Variants in CLOCK observed in about 807,000 individuals in gnomAD.
The protein encoded by CLOCK is circadian locomoter output cycles protein kaput.
In CLOCK, 43 loss-of-function variants were observed where a neutral mutation model predicts 118.4. The observed-to-expected ratio is 0.36, with a 90% CI of 0.28 to 0.47. The LOEUF is 0.47. CLOCK is among the 20% of genes least tolerant of loss of function. The probability of loss-of-function intolerance (pLI) is 1.00; values close to 1 mark genes in which losing one functional copy is unlikely to be tolerated. For synonymous variants in CLOCK, 326 were observed against 339.2 expected, an observed-to-expected ratio of 0.96 and a Z score of 0.43; for missense variants, 846 against 999.9, an observed-to-expected ratio of 0.85 and a Z score of 2.08.
intron 1 of CLOCK, among the ~76,000 whole-genome samples, chr4:55,537,132 G>T (rs1300618754): frequency 6.6e-6 from 1 of 152,048 alleles, no homozygotes; most frequent in African/African-American, 2.4e-5. Context: ...GACCCAGTAA[G>T]ACATCAGGAA....
intron 22 of CLOCK, 117 bp downstream of exon 22, chr4:55,438,165 C>T (rs574509947): frequency 1.5e-5 from 19 of 1,300,582 alleles, no homozygotes; most frequent in Middle Eastern, 2.4e-4. Flanking sequence ...GAGATTTAAA[C>T]TGTACAATAA....
intron 3 of CLOCK, among the ~76,000 whole-genome samples, chr4:55,485,542 G>C (rs1007455837): frequency 2.0e-5 from 3 of 152,114 alleles, no homozygotes; most frequent in African/African-American, 7.2e-5. Flanking sequence ...TGTCCATGCT[G>C]TGGAGTCTAA....
intron 22 of CLOCK, among the ~76,000 whole-genome samples, chr4:55,437,590 T>C (rs1290252920): frequency 6.6e-6 from 1 of 152,346 alleles, no homozygotes; most frequent in East Asian, 1.9e-4. Flanking sequence ...AAATAACAGC[T>C]AGCCATGTGC....
At chr4:55,499,514 T>C (rs1452083844) in intron 2 of CLOCK, among the ~76,000 whole-genome samples, 1 of 152,208 alleles carries the variant, frequency 6.6e-6, no homozygotes, top group Non-Finnish European at 1.5e-5. Context: ...CCTAGATCCC[T>C]TGCACTCGCA....
intron 1 of CLOCK, among the ~76,000 whole-genome samples, chr4:55,521,034 C>T (rs1473193017): frequency 6.6e-6 from 1 of 152,182 alleles, no homozygotes; most frequent in East Asian, 1.9e-4. Flanking sequence ...TTTTGTCACA[C>T]CTCCAAGTCT....
chr4:55,448,918 G>T, intron 17 of CLOCK, 50 bp from the exon 18 acceptor site: 2 of 1,336,450 alleles, frequency 1.5e-6, no homozygotes, highest in South Asian at 2.4e-5. Flanking sequence ...TCCCATACAT[G>T]AGTACTTCCA....
chr4:55,451,804 A>T (rs540484425), intron 15 of CLOCK, among the ~76,000 whole-genome samples: 1 of 152,320 alleles, frequency 6.6e-6, no homozygotes, highest in South Asian at 2.1e-4. Flanking sequence ...CTTCTTCTAA[A>T]CATACAAAAC....
At chr4:55,518,932 T>C (rs948586997) in intron 1 of CLOCK, among the ~76,000 whole-genome samples, 1 of 152,182 alleles carries the variant, frequency 6.6e-6, no homozygotes, top group African/African-American at 2.4e-5. Context: ...CTCATGTCAA[T>C]ACATTTTCCT....
chr4:55,478,301 T>C (rs1434092761), intron 6 of CLOCK, among the ~76,000 whole-genome samples: 1 of 152,168 alleles, frequency 6.6e-6, no homozygotes, highest in Non-Finnish European at 1.5e-5. Context: ...AAATGACACA[T>C]AAGAACTTTA....
intron 1 of CLOCK, among the ~76,000 whole-genome samples, chr4:55,510,653 A>C (rs1271285867): frequency 6.9e-6 from 1 of 144,676 alleles, no homozygotes; most frequent in African/African-American, 2.5e-5. Context: ...AAAAAAAAAA[A>C]GGTTTCCCTA....
intron 2 of CLOCK, among the ~76,000 whole-genome samples, chr4:55,496,451 G>A (rs1728094161): frequency 6.6e-6 from 1 of 152,060 alleles, no homozygotes; most frequent in Non-Finnish European, 1.5e-5. Context: ...TCTTTTTCAT[G>A]TTTCTCTAAA....
chr4:55,496,965 A>T (rs1028944422), intron 2 of CLOCK, among the ~76,000 whole-genome samples: 6 of 152,252 alleles, frequency 3.9e-5, no homozygotes, highest in African/African-American at 1.4e-4. Context: ...ACTAATCATG[A>T]TATAAACTTT....
intron 6 of CLOCK, among the ~76,000 whole-genome samples, chr4:55,476,838 G>A (rs1034570482): frequency 5.9e-5 from 9 of 151,894 alleles, no homozygotes; most frequent in Non-Finnish European, 1.2e-4. Context: ...AAACAAGCAG[G>A]CAGAATAAAA....
Position 55,479,697 on chromosome 4 carries a change from T to C in CLOCK, c.50A>G (p.Asp17Gly). ...CAACCCATCAAAAATACTACTGTCA[T>C]CTCTAAAAGAAAGCGGATAGAGAAA... ...CSKMSSIVDRDDSSIFDGLVE... is the reference protein window; with the variant it reads ...CSKMSSIVDRGDSSIFDGLVE... Residue 17 changes from aspartate to glycine, a missense_variant and splice_region_variant, in exon 5 of 23, where the codon GAT becomes GGT. This residue lies in a region of CLOCK where 246 missense variants were observed against 300.2 expected (regional missense o/e 0.82). Coordinates refer to ENST00000513440, the MANE Select transcript of CLOCK (RefSeq NM_004898.4). The C allele has an allele frequency of 6.2e-7, 1 of 1,612,634 alleles. No individual in the cohort carries two copies.
chr4:55,478,570 T>C (rs1490733412), intron 6 of CLOCK, among the ~76,000 whole-genome samples: 1 of 152,172 alleles, frequency 6.6e-6, no homozygotes, highest in Admixed American at 6.5e-5. Context: ...TACATGTTTG[T>C]CTGCCCTGGC....
chr4:55,449,303 AG>A, intron 17 of CLOCK, 92 bp downstream of exon 17: 1 of 1,129,584 alleles, frequency 8.9e-7, no homozygotes, highest in Admixed American at 1.7e-5. Flanking sequence ...CTTTACAAAG[AG>A]GGGTGACAAA....
chr4:55,467,316 A>C (rs1725799908), intron 8 of CLOCK, among the ~76,000 whole-genome samples: 1 of 152,192 alleles, frequency 6.6e-6, no homozygotes, highest in African/African-American at 2.4e-5. Context: ...ATAATCACTG[A>C]GTGACGCTCC....
In CLOCK at chr4:55,429,286, A is replaced by G. The variant is rs1253298210; in HGVS notation, c.*6129T>C. 1.3e-5 allele frequency: 2 copies of G among 152,178 alleles called. No individual in the cohort carries two copies. The highest frequency in any genetic ancestry group is 4.8e-5 in the African/African-American group (2 of 41,436). The allele number at this position is 152,178 out of a possible 1,614,324, so 9.4% of individuals were successfully genotyped here. A position where few individuals can be genotyped will look rare whatever the true frequency, so the allele number is the denominator to read the frequency against. On this transcript the variant is annotated 3_prime_UTR_variant, in exon 23 of 23. Transcript: ENST00000513440. ...AATATTTTTTAGATCATTAAATTCA[A>G]TTGTGGTTGACGTGCTTTAACTACC...
chr4:55,446,112 T>C (rs1226197595), intron 18 of CLOCK, among the ~76,000 whole-genome samples: 1 of 150,278 alleles, frequency 6.7e-6, no homozygotes, highest in East Asian at 1.9e-4. Context: ...TTTTTTTTTT[T>C]TTTTTTTTTG....
Sources: allele counts gnomAD v4.1 joint callset (sites outside exome capture counted in the v4.1 genomes callset), GRCh38; gene constraint gnomAD v4.1.1; regional missense constraint gnomAD v4.1.1; transcripts MANE v1.5; gene names NCBI Gene and HGNC (gene_info 2026-07-23, HGNC 2026-07-21).